The following TRIM49C variants were observed in gnomAD, a reference collection of about 807,000 sequenced individuals.
TRIM49C encodes tripartite motif containing 49C, also known as tripartite motif-containing protein 49C.
A neutral mutation model predicts 21.4 loss-of-function variants in TRIM49C; 6 were observed. That is an observed-to-expected ratio of 0.28 (90% CI 0.15 to 0.55). The LOEUF is 0.55. Among genes scored for constraint, TRIM49C ranks in the 20% least tolerant of loss-of-function variants. The pLI is 0.94. For missense variants in TRIM49C, 161 were observed against 442.4 expected (o/e 0.36, Z 5.71); for synonymous variants, 57 against 148.1 (o/e 0.38, Z 4.47).
chr11:90,046,356 AC>A (rs1950801555), downstream of TRIM49C, among the ~76,000 whole-genome samples: 1 of 126,360 alleles, frequency 7.9e-6, no homozygotes, highest in Non-Finnish European at 1.6e-5. Flanking sequence ...AAGGAATGGT[AC>A]CAGCTCCTCC....
the TRIM49C span, among the ~76,000 whole-genome samples, chr11:90,068,465 A>G: frequency 1.4e-4 from 20 of 143,270 alleles, 3 homozygotes; most frequent in Non-Finnish European, 2.3e-4. Flanking sequence ...TCTGTGTGAA[A>G]GAAAGAGATA....
chr11:90,039,004 C>A (rs1179818917), intron 6 of TRIM49C, among the ~76,000 whole-genome samples: 2 of 137,968 alleles, frequency 1.4e-5, no homozygotes, highest in African/African-American at 5.2e-5. Context: ...ACTGCAAGCT[C>A]CGCCTCCCGG....
the TRIM49C span, chr11:90,053,527 T>C: frequency 1.9e-5 from 3 of 158,090 alleles, no homozygotes; most frequent in African/African-American, 7.3e-5. Context: ...CTCCACGCCC[T>C]CGACGCCGTG....
At chr11:90,071,105 A>G in the TRIM49C span, 25 of 491,226 alleles carry the variant, frequency 5.1e-5, no homozygotes, top group Non-Finnish European at 7.2e-5. Context: ...AAGAATAACA[A>G]CTTTCTAAAG....
the TRIM49C span, chr11:90,073,176 G>A: frequency 9.9e-6 from 9 of 911,860 alleles, no homozygotes; most frequent in African/African-American, 1.7e-5. Flanking sequence ...CTTCTTTTAT[G>A]TGTGAAGGTG....
chr11:90,035,705 C>A (rs1950723705), intron 3 of TRIM49C, 83 bp downstream of exon 3: 1 of 1,370,182 alleles, frequency 7.3e-7, no homozygotes. Flanking sequence ...TTAGGTAAAG[C>A]CAACTCTGAG....
chr11:90,062,265 T>A, the TRIM49C span, among the ~76,000 whole-genome samples: 2 of 129,292 alleles, frequency 1.5e-5, 1 homozygote, highest in Non-Finnish European at 3.2e-5. Context: ...ACCCTTCAGA[T>A]AATATCATCA....
intron 6 of TRIM49C, among the ~76,000 whole-genome samples, chr11:90,039,546 C>T (rs1950754500): frequency 7.6e-6 from 1 of 131,284 alleles, no homozygotes; most frequent in Non-Finnish European, 1.6e-5. Context: ...CTATTTCAGA[C>T]AAAGATGTCA....
chr11:90,046,904 T>C (rs1375880185), downstream of TRIM49C, among the ~76,000 whole-genome samples: 1 of 125,550 alleles, frequency 8.0e-6, no homozygotes, highest in Admixed American at 9.1e-5. Flanking sequence ...TGTGGGCATT[T>C]AGTGCTATAA....
rs183723213 is a variant in TRIM49C at position 90,039,408 on chromosome 11, A to G, written c.762-457A>G. 9.4e-3 allele frequency among the ~76,000 whole-genome samples: 1,207 copies of G among 128,440 alleles called. 39 individuals carry two copies. Among genetic ancestry groups the G allele is most frequent in the African/African-American group, 0.034 (1,148 of 33,322 alleles). The allele number at this position is 128,440 out of a possible 152,430, so 84.3% of individuals were successfully genotyped here. On this transcript the variant is annotated intron_variant, in intron 6 of 7. Coordinates refer to ENST00000448984, the MANE Select transcript of TRIM49C (RefSeq NM_001195234.1). Reference sequence around the variant, plus strand: ...TTAACAGTTCTGAAAAATAGATTGAAAAAAACTGTGGAGTGTTAGAACTGT... The same window carrying G: ...TTAACAGTTCTGAAAAATAGATTGAGAAAAACTGTGGAGTGTTAGAACTGT...
At chr11:90,034,876 G>C (rs978440666) in intron 2 of TRIM49C, among the ~76,000 whole-genome samples, 3 of 136,296 alleles carry the variant, frequency 2.2e-5, no homozygotes, top group African/African-American at 8.1e-5. Context: ...AAGAAGAATA[G>C]GGACAACTAT....
At chr11:90,070,279 G>A in the TRIM49C span, among the ~76,000 whole-genome samples, 1 of 106,488 alleles carries the variant, frequency 9.4e-6, no homozygotes, top group East Asian at 2.7e-4. Context: ...GTGGCCTTGT[G>A]CGTGCTGATA....
chr11:90,071,177 A>C, the TRIM49C span: 1 of 493,368 alleles, frequency 2.0e-6, no homozygotes, highest in Non-Finnish European at 4.0e-6. Context: ...AGGTATGTTA[A>C]TGGCCATCAG....
chr11:90,055,097 A>G, the TRIM49C span, among the ~76,000 whole-genome samples: 1 of 143,696 alleles, frequency 7.0e-6, no homozygotes, highest in East Asian at 2.0e-4. Context: ...ATCGCTTGGA[A>G]AAAAGCAGCA....
downstream of TRIM49C, among the ~76,000 whole-genome samples, chr11:90,045,896 G>T (rs1297324079): frequency 8.3e-6 from 1 of 120,240 alleles, no homozygotes; most frequent in Non-Finnish European, 1.7e-5. Flanking sequence ...CACTCAGTAT[G>T]ATATTTATTG....
At chr11:90,038,526 A>G (rs1406099892) in intron 5 of TRIM49C, among the ~76,000 whole-genome samples, 167 bp from the exon 6 acceptor site, 2 of 138,668 alleles carry the variant, frequency 1.4e-5, no homozygotes, top group East Asian at 4.5e-4. Context: ...TAATAACAAT[A>G]CAACTGACTG....
At chr11:90,069,249 C>T in the TRIM49C span, among the ~76,000 whole-genome samples, 2 of 123,160 alleles carry the variant, frequency 1.6e-5, no homozygotes, top group African/African-American at 3.5e-5. Context: ...GGACTACAGG[C>T]GCTCGCCACC....
At chr11:90,070,895 G>A in the TRIM49C span, among the ~76,000 whole-genome samples, 8 of 140,794 alleles carry the variant, frequency 5.7e-5, 1 homozygote, top group South Asian at 1.4e-3. Context: ...CTTAGTTCAA[G>A]CTATTCTCCT....
chr11:90,049,181 G>A, the TRIM49C span, among the ~76,000 whole-genome samples: 1 of 122,450 alleles, frequency 8.2e-6, no homozygotes, highest in Non-Finnish European at 1.7e-5. Context: ...CCCCTACTGG[G>A]GGTGCCTCCT....
Sources: gnomAD v4.1 joint callset for allele counts (sites outside exome capture counted in the v4.1 genomes callset) on GRCh38, gnomAD v4.1.1 for gene constraint, MANE v1.5 for transcripts, NCBI Gene and HGNC (gene_info 2026-07-23, HGNC 2026-07-21) for gene names.